The following ETS1 variants were observed in gnomAD, a reference collection of about 807,000 sequenced individuals.
ETS1 encodes ETS proto-oncogene 1, transcription factor.
Under a neutral mutation model 58.6 loss-of-function variants are expected in ETS1, and 15 were observed. The ratio of observed to expected loss-of-function variants is 0.26; its 90% CI spans 0.17 to 0.39. The LOEUF is 0.39. ETS1 is among the 10% of genes least tolerant of loss of function. The pLI, the probability that ETS1 is intolerant of heterozygous loss-of-function variation, is 1.00. For missense variants in ETS1, 417 were observed against 610.5 expected (o/e 0.68, Z 3.34); for synonymous variants, 214 against 218.2 (o/e 0.98, Z 0.17).
At chr11:128,467,524 C>T (rs1162231623) in intron 8 of ETS1, among the ~76,000 whole-genome samples, 3 of 152,138 alleles carry the variant, frequency 2.0e-5, no homozygotes, top group African/African-American at 7.2e-5. Context: ...ACTTGTAAAG[C>T]CTCTTCCTCC....
At chr11:128,571,379 A>T (rs1455246706) in intron 2 of ETS1, among the ~76,000 whole-genome samples, 9 of 148,124 alleles carry the variant, frequency 6.1e-5, no homozygotes, top group Admixed American at 6.0e-4. Context: ...ATCGCACCAC[A>T]GCACTCCAGC....
chr11:128,555,894 TG>T (rs1864304476), intron 3 of ETS1, among the ~76,000 whole-genome samples: 1 of 152,104 alleles, frequency 6.6e-6, no homozygotes, highest in Admixed American at 6.5e-5. Context: ...CCAGGAACAA[TG>T]GAAACAGATG....
Position 128,459,843 on chromosome 11 carries a change from T to C in ETS1, c.*2518A>G, listed in dbSNP as rs1861858048. ...GAGCACTAGGAGGCACTTTCTTATA[T>C]CTTATCTGCTATAGGAACTGCAGGA... On this transcript the variant is annotated 3_prime_UTR_variant, in exon 10 of 10. Transcript: ENST00000392668. The C allele has an allele frequency of 2.0e-5, 3 of 152,496 alleles. No homozygotes were observed. Among genetic ancestry groups the C allele is most frequent in the Non-Finnish European group, 2.9e-5 (2 of 68,030 alleles). The allele number at this position is 152,496 out of a possible 1,614,324, so 9.4% of individuals were successfully genotyped here.
In ETS1 at chr11:128,549,977, G is replaced by A. The variant is rs145974883; in HGVS notation, c.214+6314C>T. ...TCACCTAAATCCACACTCACACCAT[G>A]GCGAAAGGAAAAAGAAGAAAAGCAG... is the stretch of plus-strand genomic sequence containing the variant. On this transcript the variant is annotated intron_variant, in intron 3 of 9. Coordinates refer to ENST00000392668, the MANE Select transcript of ETS1 (RefSeq NM_001143820.2). The surrounding 1 kb of genome is among the most constrained non-coding windows in gnomAD (Gnocchi z 4.3). 1.3e-5 allele frequency among the ~76,000 whole-genome samples: 2 copies of A among 152,318 alleles called. No homozygotes were observed. Among genetic ancestry groups the A allele is most frequent in the East Asian group, 3.9e-4 (2 of 5,186 alleles).
chr11:128,547,847 G>C (rs1183038286), intron 3 of ETS1, among the ~76,000 whole-genome samples: 1 of 152,030 alleles, frequency 6.6e-6, no homozygotes, highest in Non-Finnish European at 1.5e-5. Context: ...CAAGATGTGG[G>C]GCAGGGTCTG....
chr11:128,558,664 AAAAAAAAAAAAAAAAAAAAAGAG>A (rs1218364557), intron 2 of ETS1, among the ~76,000 whole-genome samples: 2 of 3,716 alleles, frequency 5.4e-4, no homozygotes, highest in African/African-American at 2.8e-3. Context: ...AAAAAAAAAA[AAAAAAAAAAAAAAAAAAAAAGAG>A]AGAGAGAGAG....
In ETS1 at chr11:128,573,154, A is replaced by G; in HGVS notation, c.-14-10T>C. On this transcript the variant is annotated splice_polypyrimidine_tract_variant and intron_variant, in intron 1 of 9. Transcript: ENST00000392668. ...ATTCTGCTCTCAGCACCTGTGTGAG[A>G]GAAGGCGTTGGCTGAGCCTCTGGAT... The G allele has an allele frequency of 6.4e-7, 1 of 1,560,232 alleles. No individual in the cohort carries two copies. Among genetic ancestry groups the G allele is most frequent in the Non-Finnish European group, 8.7e-7 (1 of 1,149,126 alleles).
At chr11:128,500,843 G>C (rs1334607005) in intron 3 of ETS1, among the ~76,000 whole-genome samples, 2 of 152,066 alleles carry the variant, frequency 1.3e-5, no homozygotes, top group African/African-American at 4.8e-5. Flanking sequence ...TGGTCATGAG[G>C]GGCAGGGCAG....
intron 3 of ETS1, among the ~76,000 whole-genome samples, chr11:128,547,205 T>C (rs961073724): frequency 5.9e-5 from 9 of 152,322 alleles, no homozygotes; most frequent in Non-Finnish European, 1.3e-4. Context: ...CAACAAAATG[T>C]GCACTGCGTA....
At chr11:128,574,599 G>A (rs1864705330) in intron 1 of ETS1, among the ~76,000 whole-genome samples, 1 of 152,066 alleles carries the variant, frequency 6.6e-6, no homozygotes. Flanking sequence ...CCTATGATGG[G>A]TCTGACTCTG....
chr11:128,485,140 T>A, intron 6 of ETS1, 69 bp from the exon 7 acceptor site: 1 of 1,386,572 alleles, frequency 7.2e-7, no homozygotes, highest in East Asian at 2.3e-5. Context: ...TTTCACCATC[T>A]ACAGGGCCCT....
chr11:128,541,068 C>T (rs761599597), intron 3 of ETS1, among the ~76,000 whole-genome samples: 3 of 152,180 alleles, frequency 2.0e-5, no homozygotes, highest in Admixed American at 1.3e-4. Flanking sequence ...CTCAGTTTCA[C>T]GTGACTGGGA....
At chr11:128,562,214 G>T (rs1864415371) in intron 2 of ETS1, among the ~76,000 whole-genome samples, 1 of 152,296 alleles carries the variant, frequency 6.6e-6, no homozygotes, top group Middle Eastern at 3.4e-3. Flanking sequence ...TTCAAGACCA[G>T]CCTGGCCAAC....
chr11:128,585,125 A>AT (rs1565421641), intron 1 of ETS1, among the ~76,000 whole-genome samples: 1 of 5,592 alleles, frequency 1.8e-4, no homozygotes, highest in African/African-American at 1.2e-3. Flanking sequence ...GGAAAGAAAG[A>AT]AGAAAGAAAG....
intron 5 of ETS1, 87 bp from the exon 6 acceptor site, chr11:128,486,233 T>C (rs1268352817): frequency 6.2e-6 from 5 of 800,908 alleles, no homozygotes; most frequent in Non-Finnish European, 1.1e-5. Flanking sequence ...AAGACCACAA[T>C]GATCTCAACC....
At chr11:128,539,638 A>G (rs1340102254) in intron 3 of ETS1, among the ~76,000 whole-genome samples, 1 of 152,240 alleles carries the variant, frequency 6.6e-6, no homozygotes, top group Non-Finnish European at 1.5e-5. Flanking sequence ...CTACCCCTGG[A>G]GAAATGAAAA....
Position 128,555,909 on chromosome 11 carries a change from A to G in ETS1, c.214+382T>C, listed in dbSNP as rs187220421. Among the ~76,000 whole-genome samples the G allele has an allele frequency of 1.1e-3, 161 of 152,358 alleles. 2 individuals are homozygous for G. The East Asian group carries it at 0.022, about 21-fold the overall frequency. ...CCAGGAACAATGGAAACAGATGATC[A>G]TCGAAAGAAAGCATGTTCTCTAAGA... On this transcript the variant is annotated intron_variant, in intron 3 of 9. Transcript: ENST00000392668.
chr11:128,477,371 G>A (rs1243644530), intron 8 of ETS1, among the ~76,000 whole-genome samples: 2 of 152,290 alleles, frequency 1.3e-5, no homozygotes, highest in Middle Eastern at 3.4e-3. Context: ...AATGATTTCT[G>A]CTTTCCAAAG....
chr11:128,568,793 T>C (rs563253922), intron 2 of ETS1, among the ~76,000 whole-genome samples: 1 of 152,340 alleles, frequency 6.6e-6, no homozygotes, highest in South Asian at 2.1e-4. Flanking sequence ...TGACCTCTAA[T>C]TTACAAGCAA....
Sources: allele counts gnomAD v4.1 joint callset (sites outside exome capture counted in the v4.1 genomes callset), GRCh38; gene constraint gnomAD v4.1.1; non-coding constraint Gnocchi (gnomAD v3.1); transcripts MANE v1.5; gene names NCBI Gene and HGNC (gene_info 2026-07-23, HGNC 2026-07-21).